Variants in SLCO3A1 observed in about 807,000 individuals in gnomAD.
SLCO3A1 encodes the protein solute carrier organic anion transporter family member 3A1.
SLCO3A1 carries 27 observed loss-of-function variants against 63.1 expected under a neutral mutation model. The ratio of observed to expected loss-of-function variants is 0.43; its 90% CI spans 0.32 to 0.59. The LOEUF is 0.59. Among genes scored for constraint, SLCO3A1 ranks in the 20% least tolerant of loss-of-function variants. The probability of loss-of-function intolerance (pLI) is 0.09; values close to 1 mark genes in which losing one functional copy is unlikely to be tolerated. For missense variants in SLCO3A1, 773 were observed against 945.8 expected (o/e 0.82, Z 2.40); for synonymous variants, 473 against 409.9 (o/e 1.15, Z -1.86).
intron 2 of SLCO3A1, among the ~76,000 whole-genome samples, chr15:92,063,720 C>T (rs1005552584): frequency 1.3e-5 from 2 of 152,044 alleles, no homozygotes; most frequent in East Asian, 1.9e-4. Context: ...CATGGTGGCG[C>T]GTACCTGTAG....
chr15:91,963,605 T>C (rs1900543733), intron 2 of SLCO3A1, among the ~76,000 whole-genome samples: 1 of 152,196 alleles, frequency 6.6e-6, no homozygotes. Flanking sequence ...TTGGTTTTGC[T>C]GACTTCAAGA....
chr15:92,016,262 A>ATATAGATAGATAGAT (rs2046433833), intron 2 of SLCO3A1, among the ~76,000 whole-genome samples: 2 of 112,780 alleles, frequency 1.8e-5, no homozygotes, highest in African/African-American at 6.7e-5. Flanking sequence ...GATTAGATAG[A>ATATAGATAGATAGAT]TAGATAGATA....
rs758498951 is a variant in SLCO3A1, at chr15:92,104,554, C to G, written c.1009+12C>G. 1.1e-5 allele frequency: 17 copies of G among 1,609,700 alleles called. No individual in the cohort carries two copies. In the East Asian group the frequency reaches 3.3e-4, roughly 32 times the overall value. ...CCAGCAGCTGAGAGGTAAAGGTGGC[C>G]TCATCTGCCTCTGCTCAGAACAGTA... On this transcript the variant is annotated intron_variant, in intron 4 of 9. Transcript: ENST00000318445.
At chr15:91,978,380 C>T (rs1901199782) in intron 2 of SLCO3A1, among the ~76,000 whole-genome samples, 1 of 152,158 alleles carries the variant, frequency 6.6e-6, no homozygotes. Context: ...GTCTGGCATC[C>T]ACGCAAGGAA....
chr15:91,933,783 C>G (rs952576465), intron 2 of SLCO3A1, among the ~76,000 whole-genome samples: 32 of 152,114 alleles, frequency 2.1e-4, no homozygotes, highest in African/African-American at 7.5e-4. Context: ...GGTAACTTGC[C>G]CAAGGTCTCA....
intron 2 of SLCO3A1, among the ~76,000 whole-genome samples, chr15:91,923,462 T>A (rs975926970): frequency 6.6e-5 from 10 of 152,314 alleles, no homozygotes; most frequent in African/African-American, 2.4e-4. Context: ...CATCTCAAAG[T>A]GCATGAAGTG....
intron 7 of SLCO3A1, among the ~76,000 whole-genome samples, chr15:92,140,914 A>C (rs1173989020): frequency 1.3e-5 from 2 of 152,118 alleles, no homozygotes; most frequent in South Asian, 4.1e-4. Context: ...GAGCATCCAG[A>C]CTGCTGCAAA....
chr15:91,958,437 G>A (rs1176157410), intron 2 of SLCO3A1, among the ~76,000 whole-genome samples: 4 of 152,180 alleles, frequency 2.6e-5, no homozygotes, highest in Non-Finnish European at 2.9e-5. Flanking sequence ...GCAGCCCCGC[G>A]TTTGAATGCC....
chr15:91,882,841 C>G lies in SLCO3A1; in HGVS notation c.180+28753C>G, dbSNP rs1022452177. ...CCAGCCATGACTTCTTAATCCCACTCGGATTTCACTGAATATGTGCGATAA... is the reference window on the plus strand; with the variant it reads ...CCAGCCATGACTTCTTAATCCCACTGGGATTTCACTGAATATGTGCGATAA... On this transcript the variant is annotated intron_variant, in intron 1 of 9. Coordinates refer to ENST00000318445, the MANE Select transcript of SLCO3A1 (RefSeq NM_013272.4). This position sits in a 1 kb window ranked among gnomAD's most constrained non-coding sequence, Gnocchi z 4.4. 2.0e-5 allele frequency among the ~76,000 whole-genome samples: 3 copies of G among 152,282 alleles called. No homozygotes were observed. The South Asian group carries it at 6.2e-4, about 32-fold the overall frequency.
At chr15:92,034,276 A>G (rs1355648230) in intron 2 of SLCO3A1, among the ~76,000 whole-genome samples, 1 of 151,510 alleles carries the variant, frequency 6.6e-6, no homozygotes, top group Non-Finnish European at 1.5e-5. Context: ...GGAAGAGGCC[A>G]GAAGTCCAGC....
At chr15:92,128,247 G>A in intron 6 of SLCO3A1, 104 bp from the exon 7 acceptor site, 2 of 1,340,164 alleles carry the variant, frequency 1.5e-6, no homozygotes, top group Non-Finnish European at 1.1e-6. Flanking sequence ...CATAAGCAGG[G>A]TACCACGCGA....
chr15:92,058,150 A>G (rs1021489754), intron 2 of SLCO3A1, among the ~76,000 whole-genome samples: 2 of 151,558 alleles, frequency 1.3e-5, no homozygotes, highest in Non-Finnish European at 2.9e-5. Context: ...TTCCTGTATA[A>G]GCGTGAGAGT....
chr15:92,130,995 A>AT lies in SLCO3A1; in HGVS notation c.1512+2510dup, dbSNP rs1397127219. 2.0e-5 allele frequency among the ~76,000 whole-genome samples: 3 copies of AT among 150,372 alleles called. No homozygotes were observed. In the Admixed American group the frequency reaches 2.0e-4, roughly 10 times the overall value. On this transcript the variant is annotated intron_variant, in intron 7 of 9. Transcript: ENST00000318445. ...CACCTTCCCCAATGTGAGTTCAGCC[A>AT]TTTTCCCTGGTTTCATCAATTCTTC...
At chr15:92,014,484 C>T (rs892394097) in intron 2 of SLCO3A1, among the ~76,000 whole-genome samples, 19 of 152,066 alleles carry the variant, frequency 1.2e-4, no homozygotes, top group African/African-American at 4.3e-4. Flanking sequence ...ACTATACTTG[C>T]CATGGGCTTT....
chr15:92,172,428 T>G (rs961470059), exon 11 of SLCO3A1: 2 of 152,310 alleles, frequency 1.3e-5, no homozygotes, highest in Non-Finnish European at 2.9e-5. Context: ...AGCACTATTT[T>G]AATTCTTCCT....
chr15:91,908,709 A>AC (rs1898387698), intron 1 of SLCO3A1: 1 of 151,736 alleles, frequency 6.6e-6, no homozygotes, highest in South Asian at 2.1e-4. Context: ...TGTCCTTGGC[A>AC]CATCAGACAG....
At chr15:91,919,254 T>C (rs1898762944) in intron 2 of SLCO3A1, among the ~76,000 whole-genome samples, 1 of 152,260 alleles carries the variant, frequency 6.6e-6, no homozygotes, top group African/African-American at 2.4e-5. Context: ...ACTTACTTGC[T>C]TTGGCCTCTT....
chr15:92,112,900 C>T (rs2047746564), intron 4 of SLCO3A1, among the ~76,000 whole-genome samples: 1 of 152,184 alleles, frequency 6.6e-6, no homozygotes, highest in African/African-American at 2.4e-5. Flanking sequence ...CAGTATTTCT[C>T]TTTCCAGGCT....
At chr15:92,064,599 C>T (rs1417514580) in intron 2 of SLCO3A1, among the ~76,000 whole-genome samples, 1 of 152,076 alleles carries the variant, frequency 6.6e-6, no homozygotes, top group African/African-American at 2.4e-5. Context: ...ACACTACTCA[C>T]GATAGCCAAG....
Sources: allele counts gnomAD v4.1 joint callset (sites outside exome capture counted in the v4.1 genomes callset), GRCh38; gene constraint gnomAD v4.1.1; non-coding constraint Gnocchi (gnomAD v3.1); transcripts MANE v1.5; gene names NCBI Gene and HGNC (gene_info 2026-07-23, HGNC 2026-07-21).